The following PCDHA13 variants were observed in gnomAD, a reference collection of about 807,000 sequenced individuals.
PCDHA13 encodes protocadherin alpha-13.
Under a neutral mutation model 64.8 loss-of-function variants are expected in PCDHA13, and 54 were observed. That is an observed-to-expected ratio of 0.83 (90% CI 0.67 to 1.04). PCDHA13 has a LOEUF of 1.04. Ranked by LOEUF, PCDHA13 falls within the 50% of genes least tolerant of loss-of-function variation. The pLI is 0.00. For synonymous variants in PCDHA13, 587 were observed against 564.4 expected (o/e 1.04, Z -0.57); for missense variants, 1,248 against 1,254.3 (o/e 0.99, Z 0.08).
rs77078209 is a variant in PCDHA13 at position 140,927,973 on chromosome 5, C to T, written c.2394+43311C>T. ...CGCTGCCCCTGGCACAGTGATTGCT[C>T]TCTTTAGTGTAAAGGATGAAGACCT... On this transcript the variant is annotated intron_variant, in intron 1 of 3. Transcript: ENST00000289272. The T allele has an allele frequency of 1.9e-6, 3 of 1,614,216 alleles. No individual in the cohort carries two copies. The East Asian group carries it at 6.7e-5, about 36-fold the overall frequency.
At chr5:140,923,584 T>C (rs2081432624) in intron 1 of PCDHA13, among the ~76,000 whole-genome samples, 1 of 152,172 alleles carries the variant, frequency 6.6e-6, no homozygotes, top group South Asian at 2.1e-4. Context: ...AGAGAAGGTT[T>C]GTTAATTCAT....
intron 1 of PCDHA13, among the ~76,000 whole-genome samples, chr5:140,912,582 T>C (rs2075986919): frequency 6.6e-6 from 1 of 152,214 alleles, no homozygotes. Context: ...TTTTCCAATT[T>C]GGATGCCCTT....
At chr5:140,987,444 C>G (rs2097254283) in intron 3 of PCDHA13, among the ~76,000 whole-genome samples, 1 of 151,998 alleles carries the variant, frequency 6.6e-6, no homozygotes, top group African/African-American at 2.4e-5. Flanking sequence ...TCCCCATGCC[C>G]GAGAGATAAT....
intron 1 of PCDHA13, among the ~76,000 whole-genome samples, chr5:140,923,882 G>A (rs1261780966): frequency 6.6e-6 from 1 of 152,192 alleles, no homozygotes; most frequent in Non-Finnish European, 1.5e-5. Context: ...AGAAGCGTGT[G>A]AAAGAGGAGG....
Position 140,882,792 on chromosome 5 carries a change from A to C in PCDHA13, c.524A>C (p.Asn175Thr), listed in dbSNP as rs367665995. The change falls in exon 1 of 4, where the codon AAC becomes ACC. Residue 175 changes from asparagine (N) to threonine (T), a missense_variant. Coordinates refer to ENST00000289272, the MANE Select transcript of PCDHA13 (RefSeq NM_018904.3). ...GCATTGACCTACCGACTGGATCCCA[A>C]CGATTATTTCACTTTGGACGCACAA... ...NSALTYRLDP[N>T]DYFTLDAQNS... 6.2e-7 allele frequency: 1 copy of C among 1,614,144 alleles called. No individual in the cohort carries two copies. The highest frequency in any genetic ancestry group is 8.5e-7 in the Non-Finnish European group (1 of 1,180,058).
At chr5:140,978,904 A>G (rs2096828000) in intron 1 of PCDHA13, 45 bp from the exon 2 acceptor site, 2 of 1,613,322 alleles carry the variant, frequency 1.2e-6, no homozygotes, top group Non-Finnish European at 8.5e-7. Flanking sequence ...CTGGGAGAAC[A>G]TTGTCTTGTC....
At chr5:140,913,706 C>A (rs1431880255) in intron 1 of PCDHA13, among the ~76,000 whole-genome samples, 4 of 152,054 alleles carry the variant, frequency 2.6e-5, no homozygotes, top group Non-Finnish European at 5.9e-5. Context: ...CCAATGTAGG[C>A]AATTACAGCT....
chr5:140,993,630 C>T (rs1305182880), intron 3 of PCDHA13, among the ~76,000 whole-genome samples: 2 of 152,054 alleles, frequency 1.3e-5, no homozygotes, highest in South Asian at 4.2e-4. Flanking sequence ...TATATATAGT[C>T]GTGTACCAAA....
At chr5:140,907,381 G>T (rs2073350294) in intron 1 of PCDHA13, among the ~76,000 whole-genome samples, 1 of 152,180 alleles carries the variant, frequency 6.6e-6, no homozygotes, top group African/African-American at 2.4e-5. Context: ...TGAGTGCCTT[G>T]GTCAAAGGCA....
intron 1 of PCDHA13, among the ~76,000 whole-genome samples, chr5:140,937,353 T>C (rs2091494629): frequency 6.6e-6 from 1 of 152,146 alleles, no homozygotes; most frequent in Admixed American, 6.5e-5. Context: ...ATTTATTTTA[T>C]TATTTTATCT....
intron 1 of PCDHA13, chr5:140,966,848 C>T (rs573027963): frequency 1.3e-6 from 2 of 1,571,846 alleles, no homozygotes; most frequent in East Asian, 2.3e-5. Flanking sequence ...GCTACTGCCT[C>T]TCCTGCTGCT....
At chr5:140,889,835 C>A (rs899287696) in intron 1 of PCDHA13, among the ~76,000 whole-genome samples, 10 of 152,080 alleles carry the variant, frequency 6.6e-5, no homozygotes, top group African/African-American at 2.2e-4. Context: ...TTACAGTATG[C>A]TTTGGTCTCT....
intron 1 of PCDHA13, among the ~76,000 whole-genome samples, chr5:140,892,004 T>A (rs562047314): frequency 6.6e-6 from 1 of 152,364 alleles, no homozygotes; most frequent in East Asian, 1.9e-4. Flanking sequence ...TGGCATTCTG[T>A]TATAGCAGCA....
intron 1 of PCDHA13, among the ~76,000 whole-genome samples, chr5:140,896,352 A>G (rs1045413506): frequency 2.6e-5 from 4 of 152,166 alleles, no homozygotes; most frequent in African/African-American, 4.8e-5. Flanking sequence ...TCCCGCCAGC[A>G]GTGTATAAGC....
intron 1 of PCDHA13, among the ~76,000 whole-genome samples, chr5:140,897,765 C>T (rs1305140331): frequency 6.6e-6 from 1 of 152,216 alleles, no homozygotes; most frequent in Admixed American, 6.5e-5. Flanking sequence ...AATCGCCACA[C>T]TGACTTCCAC....
At chr5:140,919,417 T>C (rs782439186) in intron 1 of PCDHA13, among the ~76,000 whole-genome samples, 16 of 152,226 alleles carry the variant, frequency 1.1e-4, no homozygotes, top group Admixed American at 5.2e-4. Context: ...AGACTGACAA[T>C]TCTGCCTTTT....
At position 141,010,340 on chromosome 5, in the gene PCDHA13, C is replaced by T. The variant is rs1400539624; in HGVS notation, c.*403C>T. 2 of 1,533,798 alleles carry T rather than the reference C, an allele frequency of 1.3e-6. No homozygotes were observed. Among genetic ancestry groups the T allele is most frequent in the Non-Finnish European group, 1.8e-6 (2 of 1,140,544 alleles). On this transcript the variant is annotated 3_prime_UTR_variant, in exon 4 of 4. Coordinates refer to ENST00000289272, the MANE Select transcript of PCDHA13 (RefSeq NM_018904.3). ...TGAGCAGCTTGGGAGTTTGTGGCCA[C>T]TGGGTATGTGTGGCTACCGCGGGTA...
rs139859573 is a variant in PCDHA13, at chr5:140,940,130, A to G, written c.2395-38819A>G. ...TGTATTATTTACCTCTATTTCTGCT[A>G]GTGATAAACTATTATAGTTTTTGTT... On this transcript the variant is annotated intron_variant, in intron 1 of 3. Transcript: ENST00000289272. Among the ~76,000 whole-genome samples, 378 of 152,286 alleles carry G rather than the reference A, an allele frequency of 2.5e-3. 4 individuals carry two copies. Among genetic ancestry groups the G allele is most frequent in the Non-Finnish European group, 4.6e-3 (313 of 68,020 alleles).
intron 1 of PCDHA13, among the ~76,000 whole-genome samples, chr5:140,973,624 A>G (rs2096595807): frequency 6.6e-6 from 1 of 152,204 alleles, no homozygotes; most frequent in African/African-American, 2.4e-5. Flanking sequence ...CTGTTTCTGT[A>G]TCTTGTACAC....
Sources: gnomAD v4.1 joint callset for allele counts (sites outside exome capture counted in the v4.1 genomes callset) on GRCh38, gnomAD v4.1.1 for gene constraint, MANE v1.5 for transcripts, NCBI Gene and HGNC (gene_info 2026-07-23, HGNC 2026-07-21) for gene names.